The following SLC22A2 variants were observed in gnomAD, a reference collection of about 807,000 sequenced individuals.
SLC22A2 encodes solute carrier family 22 member 2.
In SLC22A2, 46 loss-of-function variants were observed where a neutral mutation model predicts 60.5. That is an observed-to-expected ratio of 0.76 (90% CI 0.60 to 0.97). The LOEUF is 0.97. SLC22A2 is among the 50% of genes least tolerant of loss of function. The probability of loss-of-function intolerance (pLI) is 0.00; values close to 1 mark genes in which losing one functional copy is unlikely to be tolerated. For synonymous variants in SLC22A2, 303 were observed against 267.0 expected (o/e 1.13, Z -1.31); for missense variants, 701 against 706.6 (o/e 0.99, Z 0.09).
intron 9 of SLC22A2, among the ~76,000 whole-genome samples, chr6:160,227,496 C>T (rs768622171): frequency 6.6e-6 from 1 of 152,306 alleles, no homozygotes; most frequent in Non-Finnish European, 1.5e-5. Flanking sequence ...CTGCTTAATA[C>T]GTATAAAACC....
intron 10 of SLC22A2, among the ~76,000 whole-genome samples, chr6:160,223,083 T>C (rs535109166): frequency 2.6e-5 from 4 of 152,238 alleles, no homozygotes; most frequent in African/African-American, 9.6e-5. Context: ...ATGTTAAACA[T>C]GAAGGTTTGG....
chr6:160,242,617 G>GAC (rs1333843781), intron 7 of SLC22A2, among the ~76,000 whole-genome samples: 35 of 71,402 alleles, frequency 4.9e-4, no homozygotes, highest in Non-Finnish European at 8.7e-4. Context: ...TTTTAAAAAA[G>GAC]ATATTTTTTT....
intron 10 of SLC22A2, among the ~76,000 whole-genome samples, chr6:160,221,834 A>T (rs925832477): frequency 3.9e-5 from 6 of 152,238 alleles, no homozygotes; most frequent in Non-Finnish European, 8.8e-5. Flanking sequence ...AGTATCAAAG[A>T]TCACTGATTG....
chr6:160,229,883 AC>A (rs1782790882), intron 9 of SLC22A2, among the ~76,000 whole-genome samples: 1 of 151,882 alleles, frequency 6.6e-6, no homozygotes, highest in Admixed American at 6.5e-5. Flanking sequence ...AGAAAATGGC[AC>A]TTTTGATTTT....
chr6:160,247,394 C>T (rs1481358463), intron 4 of SLC22A2, 96 bp from the exon 5 acceptor site: 6 of 704,812 alleles, frequency 8.5e-6, no homozygotes, highest in Non-Finnish European at 1.5e-5. Flanking sequence ...GATGTTAATA[C>T]AGTTGGATCT....
intron 9 of SLC22A2, 58 bp downstream of exon 9, chr6:160,241,416 A>C (rs1782998437): frequency 1.9e-6 from 2 of 1,055,392 alleles, no homozygotes; most frequent in Non-Finnish European, 1.5e-6. Context: ...GTAGAAGAGA[A>C]GTGAAGGTCT....
intron 10 of SLC22A2, chr6:160,218,285 C>G (rs1782573966): frequency 5.4e-6 from 1 of 184,770 alleles, no homozygotes; most frequent in South Asian, 5.7e-5. Context: ...GGTCTCTCTG[C>G]CAACAACAAT....
intron 9 of SLC22A2, among the ~76,000 whole-genome samples, chr6:160,233,439 ACTAATGGT>A (rs1304410187): frequency 6.6e-6 from 1 of 151,788 alleles, no homozygotes; most frequent in Non-Finnish European, 1.5e-5. Context: ...GGTAAAATGG[ACTAATGGT>A]CTTTTAAAAA....
rs941374617 is a variant in SLC22A2 at position 160,234,972 on chromosome 6, C to T, written c.1501+6502G>A. On this transcript the variant is annotated intron_variant, in intron 9 of 10. Transcript: ENST00000366953. ...TTTCCTTTCTCTGAGCAAAAAATAT[C>T]GGCTGTTTGGCATGGCTAAAGTCAG... 1.6e-4 allele frequency among the ~76,000 whole-genome samples: 25 copies of T among 152,130 alleles called. 1 individual carries two copies. The highest frequency in any genetic ancestry group is 6.2e-4 in the South Asian group (3 of 4,824).
In SLC22A2 at chr6:160,245,536, G is replaced by A; in HGVS notation, c.967C>T (p.Leu323Phe). 1 of 1,607,896 alleles carries A rather than the reference G, an allele frequency of 6.2e-7. No individual in the cohort carries two copies. Among genetic ancestry groups the A allele is most frequent in the Non-Finnish European group, 8.5e-7 (1 of 1,175,704 alleles). Residue 323 changes from leucine to phenylalanine, a missense_variant, in exon 6 of 11, where the codon CTT (leucine) becomes TTT (phenylalanine). Leu to Phe is a conservative substitution (Grantham distance 22). Coordinates refer to ENST00000366953, the MANE Select transcript of SLC22A2 (RefSeq NM_003058.4). ...AATTTCTTGCCAGTTTCCTCTTCAA[G>A]TCTCAGGCGCTAAGAAAAGGAATAG... ...SLPASLQRLR[L>F]EEETGKKLNP...
intron 9 of SLC22A2, among the ~76,000 whole-genome samples, chr6:160,233,482 A>G (rs1018410629): frequency 5.9e-5 from 9 of 151,884 alleles, no homozygotes; most frequent in African/African-American, 2.2e-4. Context: ...CTCAGCCACC[A>G]ACTTTAAAAA....
chr6:160,228,000 CT>C (rs1284960243), intron 9 of SLC22A2, among the ~76,000 whole-genome samples: 1 of 152,220 alleles, frequency 6.6e-6, no homozygotes, highest in African/African-American at 2.4e-5. Flanking sequence ...AATAACCCAC[CT>C]TTTGTTTAGC....
intron 9 of SLC22A2, among the ~76,000 whole-genome samples, chr6:160,237,142 T>G (rs1183581773): frequency 6.6e-6 from 1 of 152,212 alleles, no homozygotes; most frequent in Non-Finnish European, 1.5e-5. Flanking sequence ...AGACTGACCC[T>G]GCTCATTCCA....
intron 9 of SLC22A2, among the ~76,000 whole-genome samples, chr6:160,226,631 C>T (rs1227549476): frequency 6.6e-6 from 1 of 152,204 alleles, no homozygotes; most frequent in South Asian, 2.1e-4. Flanking sequence ...GTGTTGGAAT[C>T]TCGGAGCCTA....
At chr6:160,243,521 C>A in intron 7 of SLC22A2, 51 bp downstream of exon 7, 1 of 1,294,808 alleles carries the variant, frequency 7.7e-7, no homozygotes, top group South Asian at 1.2e-5. Flanking sequence ...CCGTGACACT[C>A]CCTTTCTCCA....
Position 160,241,604 on chromosome 6 carries a change from G to C in SLC22A2, c.1389-18C>G, listed in dbSNP as rs1562435187. Reference sequence around the variant, plus strand: ...CAAGATTCCTAGAATGCAGGAAACTGATTTAACTTGTTAACTTATCACAGT... The same window carrying C: ...CAAGATTCCTAGAATGCAGGAAACTCATTTAACTTGTTAACTTATCACAGT... On this transcript the variant is annotated intron_variant, in intron 8 of 10. Coordinates refer to ENST00000366953, the MANE Select transcript of SLC22A2 (RefSeq NM_003058.4). 2 of 1,517,324 alleles carry C rather than the reference G, an allele frequency of 1.3e-6. No homozygotes were observed. Among genetic ancestry groups the C allele is most frequent in the Non-Finnish European group, 9.2e-7 (1 of 1,092,346 alleles). The allele number at this position is 1,517,324 out of a possible 1,614,324, so 94.0% of individuals were successfully genotyped here. A position where few individuals can be genotyped will look rare whatever the true frequency, so the allele number is the denominator to read the frequency against.
At chr6:160,225,606 TTCTGTAA>T (rs1334566233) in intron 9 of SLC22A2, among the ~76,000 whole-genome samples, 1 of 152,154 alleles carries the variant, frequency 6.6e-6, no homozygotes, top group Non-Finnish European at 1.5e-5. Flanking sequence ...CCTTGGGAAG[TTCTGTAA>T]TCTTTCTGAT....
At chr6:160,223,675 G>T (rs553340538) in intron 10 of SLC22A2, among the ~76,000 whole-genome samples, 49 of 152,234 alleles carry the variant, frequency 3.2e-4, no homozygotes, top group African/African-American at 1.2e-3. Context: ...TAAACTTCTA[G>T]AGGTGTAGAG....
intron 3 of SLC22A2, among the ~76,000 whole-genome samples, chr6:160,249,715 A>G (rs1783153554): frequency 6.6e-6 from 1 of 152,232 alleles, no homozygotes; most frequent in East Asian, 1.9e-4. Flanking sequence ...GACCTGAACA[A>G]ATGAATCAAA....
Sources: allele counts gnomAD v4.1 joint callset (sites outside exome capture counted in the v4.1 genomes callset), GRCh38; gene constraint gnomAD v4.1.1; transcripts MANE v1.5; gene names NCBI Gene and HGNC (gene_info 2026-07-23, HGNC 2026-07-21).